L2HGDH: variants seen among roughly 807,000 people sequenced by gnomAD.
The protein encoded by L2HGDH is L-2-hydroxyglutarate dehydrogenase.
L2HGDH carries 34 observed loss-of-function variants against 51.5 expected under a neutral mutation model. The observed-to-expected ratio is 0.66, with a 90% CI of 0.50 to 0.88. The LOEUF (loss-of-function observed/expected upper bound fraction) is 0.88, where lower values mean the gene tolerates loss of function less well. L2HGDH is among the 40% of genes least tolerant of loss of function. The probability of loss-of-function intolerance (pLI) is 0.00; values close to 1 mark genes in which losing one functional copy is unlikely to be tolerated. For missense variants in L2HGDH, 558 were observed against 571.9 expected, an observed-to-expected ratio of 0.98 and a Z score of 0.25; for synonymous variants, 198 against 197.9, an observed-to-expected ratio of 1.00 and a Z score of -0.01.
chr14:50,250,893 A>G (rs1390084519), intron 9 of L2HGDH, among the ~76,000 whole-genome samples: 1 of 152,204 alleles, frequency 6.6e-6, no homozygotes, highest in Non-Finnish European at 1.5e-5. Context: ...CCTTCCCAAG[A>G]AGGACAGGCA....
chr14:50,263,381 G>A (rs767963250), intron 9 of L2HGDH, among the ~76,000 whole-genome samples: 5 of 152,156 alleles, frequency 3.3e-5, no homozygotes, highest in Non-Finnish European at 5.9e-5. Flanking sequence ...GAGGAAAAAC[G>A]TTAGCTGAGT....
Position 50,244,097 on chromosome 14 carries a change from G to A in L2HGDH, c.*2961C>T, listed in dbSNP as rs946743437. 47 of 152,028 alleles carry A rather than the reference G, an allele frequency of 3.1e-4. No homozygotes were observed. Among genetic ancestry groups the A allele is most frequent in the African/African-American group, 1.1e-3 (46 of 41,440 alleles). 9.4% of individuals were successfully genotyped at this position (152,028 alleles called of 1,614,324 possible). On this transcript the variant is annotated 3_prime_UTR_variant, in exon 10 of 10. Coordinates refer to ENST00000267436, the MANE Select transcript of L2HGDH (RefSeq NM_024884.3). ...CAGTCTATCGTTGTTGGACATTTGG[G>A]TTGGTTCCAAGTCTTTACTATTGTG...
At chr14:50,247,367 T>G in intron 9 of L2HGDH, 114 bp from the exon 10 acceptor site, 1 of 1,493,392 alleles carries the variant, frequency 6.7e-7, no homozygotes, top group South Asian at 1.3e-5. Flanking sequence ...CACAATTATA[T>G]GGAAACCCAA....
chr14:50,268,397 A>G (rs902827115), intron 7 of L2HGDH, among the ~76,000 whole-genome samples: 5 of 151,518 alleles, frequency 3.3e-5, no homozygotes, highest in Admixed American at 6.6e-5. Context: ...AAAAAAAAAA[A>G]AAAAGAAACT....
At chr14:50,269,363 A>G (rs1218182186) in intron 6 of L2HGDH, 33 bp from the exon 7 acceptor site, 1 of 1,602,046 alleles carries the variant, frequency 6.2e-7, no homozygotes, top group Non-Finnish European at 8.6e-7. Flanking sequence ...TTATTTGTAT[A>G]AAGTGGAGTA....
At chr14:50,269,026 G>T in intron 7 of L2HGDH, 137 bp downstream of exon 7, 8 of 645,872 alleles carry the variant, frequency 1.2e-5, no homozygotes, top group East Asian at 3.1e-5. Flanking sequence ...TTAACCACAA[G>T]AGAAACCGAT....
intron 6 of L2HGDH, among the ~76,000 whole-genome samples, chr14:50,277,626 A>C (rs1890045224): frequency 6.6e-6 from 1 of 151,792 alleles, no homozygotes; most frequent in Non-Finnish European, 1.5e-5. Flanking sequence ...ATACAAAAAA[A>C]TTAGCCAGGT....
chr14:50,292,884 C>CAAA (rs111974155), intron 4 of L2HGDH, among the ~76,000 whole-genome samples: 9 of 131,770 alleles, frequency 6.8e-5, no homozygotes, highest in African/African-American at 2.2e-4. Flanking sequence ...GACTGCATCT[C>CAAA]AAAAAAAAAA....
intron 1 of L2HGDH, among the ~76,000 whole-genome samples, chr14:50,309,151 T>C (rs895033452): frequency 2.0e-5 from 3 of 152,350 alleles, no homozygotes; most frequent in Admixed American, 1.3e-4. Flanking sequence ...AAGTTTTTCA[T>C]TTTGATGAAG....
chr14:50,309,217 T>C (rs954309102), intron 1 of L2HGDH, among the ~76,000 whole-genome samples: 1 of 152,246 alleles, frequency 6.6e-6, no homozygotes, highest in Admixed American at 6.5e-5. Flanking sequence ...CATCTCTATG[T>C]CCAAAGATCT....
At position 50,243,051 on chromosome 14, in the gene L2HGDH, T is replaced by C. The variant is rs935920485; in HGVS notation, c.*4007A>G. On this transcript the variant is annotated 3_prime_UTR_variant, in exon 10 of 10. Transcript: ENST00000267436. ...CATCCTTTGAAGAAAGTTCTAAGAG[T>C]TAAGGTTATCCCACAGGCTACTAGG... is the stretch of plus-strand genomic sequence containing the variant. 12 of 985,190 alleles carry C rather than the reference T, an allele frequency of 1.2e-5. No homozygotes were observed. The African/African-American group carries it at 2.1e-4, about 17-fold the overall frequency. 61.0% of individuals were successfully genotyped at this position (985,190 alleles called of 1,614,324 possible).
At chr14:50,259,366 G>GGTTT (rs759718499) in intron 9 of L2HGDH, among the ~76,000 whole-genome samples, 2,157 of 130,598 alleles carry the variant, frequency 0.017, 134 homozygotes, top group African/African-American at 0.043. Flanking sequence ...TTCTTTTTCG[G>GGTTT]TTTTTTTTTT....
intron 3 of L2HGDH, among the ~76,000 whole-genome samples, chr14:50,298,191 C>T (rs1201637537): frequency 2.0e-5 from 3 of 150,796 alleles, no homozygotes; most frequent in Non-Finnish European, 4.4e-5. Context: ...TTGCAGTGAG[C>T]TGAGATGGCA....
intron 6 of L2HGDH, among the ~76,000 whole-genome samples, chr14:50,276,027 T>C (rs901354959): frequency 6.6e-6 from 1 of 152,208 alleles, no homozygotes; most frequent in Admixed American, 6.5e-5. Context: ...CTATACTGAA[T>C]TGGATAACTA....
chr14:50,261,149 C>G (rs1888998411), intron 9 of L2HGDH, among the ~76,000 whole-genome samples: 1 of 151,982 alleles, frequency 6.6e-6, no homozygotes, highest in Admixed American at 6.6e-5. Context: ...GAACTGGACA[C>G]TCCTCCACAA....
chr14:50,246,976 A>AT lies in L2HGDH; in HGVS notation c.*81dup, dbSNP rs1276574473. On this transcript the variant is annotated 3_prime_UTR_variant, in exon 10 of 10. Coordinates refer to ENST00000267436, the MANE Select transcript of L2HGDH (RefSeq NM_024884.3). Reference sequence around the variant, plus strand: ...ACCTAAAAACTAAAGTTTAAAAACCATTTTTTAAATTAAAGAATGCAATTA... The same window carrying AT: ...ACCTAAAAACTAAAGTTTAAAAACCATTTTTTTAAATTAAAGAATGCAATTA... 3.3e-4 allele frequency: 500 copies of AT among 1,507,940 alleles called. 8 individuals carry two copies. The East Asian group carries it at 0.011, about 33-fold the overall frequency. 93.4% of individuals were successfully genotyped at this position (1,507,940 alleles called of 1,614,324 possible).
chr14:50,302,253 C>T, intron 2 of L2HGDH, 85 bp from the exon 3 acceptor site: 1 of 1,371,232 alleles, frequency 7.3e-7, no homozygotes, highest in East Asian at 2.3e-5. Flanking sequence ...ATAGTTGAAG[C>T]TATTAGAGAC....
intron 5 of L2HGDH, among the ~76,000 whole-genome samples, chr14:50,280,606 T>A (rs914829439): frequency 6.6e-6 from 1 of 152,218 alleles, no homozygotes; most frequent in Non-Finnish European, 1.5e-5. Flanking sequence ...TGAATAGTTA[T>A]ACCGGTAAGC....
chr14:50,244,987 C>G lies in L2HGDH; in HGVS notation c.*2071G>C, dbSNP rs1012681258. 1.0e-6 allele frequency: 1 copy of G among 985,200 alleles called. No homozygotes were observed. The highest frequency in any genetic ancestry group is 1.2e-6 in the Non-Finnish European group (1 of 829,694). 61.0% of individuals were successfully genotyped at this position (985,200 alleles called of 1,614,324 possible). On this transcript the variant is annotated 3_prime_UTR_variant, in exon 10 of 10. Transcript: ENST00000267436. ...CATTTTCATTTACAATTTCTATTTT[C>G]TAACTTTCTAAATTATAAGAATAAT...
Sources: allele counts gnomAD v4.1 joint callset (sites outside exome capture counted in the v4.1 genomes callset), GRCh38; gene constraint gnomAD v4.1.1; transcripts MANE v1.5; gene names NCBI Gene and HGNC (gene_info 2026-07-23, HGNC 2026-07-21).